KIAA0825: variants seen among roughly 807,000 people sequenced by gnomAD.
KIAA0825 encodes the protein KIAA0825.
In KIAA0825, 119 loss-of-function variants were observed where a neutral mutation model predicts 147.6. The observed-to-expected ratio is 0.81, with a 90% CI of 0.69 to 0.94. The LOEUF (loss-of-function observed/expected upper bound fraction) is 0.94, where lower values mean the gene tolerates loss of function less well. Ranked by LOEUF, KIAA0825 falls within the 40% of genes least tolerant of loss-of-function variation. The probability of loss-of-function intolerance (pLI) is 0.00; values close to 1 mark genes in which losing one functional copy is unlikely to be tolerated. For missense variants in KIAA0825, 1,381 were observed against 1,472.7 expected (o/e 0.94, Z 1.02); for synonymous variants, 470 against 518.1 (o/e 0.91, Z 1.26).
intron 20 of KIAA0825, among the ~76,000 whole-genome samples, chr5:94,355,082 T>C (rs1371517649): frequency 6.6e-6 from 1 of 152,180 alleles, no homozygotes; most frequent in Admixed American, 6.5e-5. Flanking sequence ...TGGTTGACAA[T>C]TGTTTGAGTT....
chr5:94,459,975 T>C (rs1379812643), intron 12 of KIAA0825, among the ~76,000 whole-genome samples: 1 of 152,126 alleles, frequency 6.6e-6, no homozygotes, highest in African/African-American at 2.4e-5. Context: ...TGCTCATTGT[T>C]GTATCCCTTT....
intron 20 of KIAA0825, among the ~76,000 whole-genome samples, chr5:94,158,849 C>T (rs1031233989): frequency 6.6e-6 from 1 of 152,112 alleles, no homozygotes; most frequent in East Asian, 1.9e-4. Context: ...AGAGATTAAA[C>T]ACACATAAAA....
intron 1 of KIAA0825, among the ~76,000 whole-genome samples, chr5:94,584,305 G>A (rs955149027): frequency 3.3e-5 from 5 of 152,150 alleles, no homozygotes; most frequent in Non-Finnish European, 7.4e-5. Context: ...AAGGTTAGAC[G>A]AATGGCTAAC....
intron 5 of KIAA0825, among the ~76,000 whole-genome samples, chr5:94,511,492 T>G (rs1392463622): frequency 3.3e-5 from 5 of 152,122 alleles, no homozygotes; most frequent in Non-Finnish European, 5.9e-5. Context: ...TGGTGGCACA[T>G]GCCTGTAATC....
At chr5:94,436,391 C>T (rs1191882836) in intron 14 of KIAA0825, among the ~76,000 whole-genome samples, 1 of 152,094 alleles carries the variant, frequency 6.6e-6, no homozygotes, top group African/African-American at 2.4e-5. Context: ...AATCCTTTCT[C>T]CATTGCTTTT....
chr5:94,290,582 T>C (rs890126433), intron 20 of KIAA0825, among the ~76,000 whole-genome samples: 2 of 152,206 alleles, frequency 1.3e-5, no homozygotes, highest in African/African-American at 4.8e-5. Context: ...TAAATAGTGC[T>C]GCAATAAACA....
At chr5:94,276,602 T>C (rs1777233754) in intron 20 of KIAA0825, among the ~76,000 whole-genome samples, 1 of 152,154 alleles carries the variant, frequency 6.6e-6, no homozygotes, top group African/African-American at 2.4e-5. Flanking sequence ...GAGACCGTTG[T>C]CAGCTTGATG....
At chr5:94,488,533 A>G (rs941640598) in intron 5 of KIAA0825, among the ~76,000 whole-genome samples, 7 of 152,112 alleles carry the variant, frequency 4.6e-5, no homozygotes, top group African/African-American at 1.7e-4. Context: ...GTAAATAATG[A>G]GGAGATAGTT....
chr5:94,472,237 G>A (rs1036606156), intron 8 of KIAA0825, among the ~76,000 whole-genome samples: 3 of 152,036 alleles, frequency 2.0e-5, no homozygotes, highest in Non-Finnish European at 2.9e-5. Flanking sequence ...TCTTCTTATT[G>A]GTAGGGTGTC....
At chr5:94,406,163 G>C (rs1752037130) in intron 15 of KIAA0825, among the ~76,000 whole-genome samples, 1 of 152,102 alleles carries the variant, frequency 6.6e-6, no homozygotes, top group Non-Finnish European at 1.5e-5. Flanking sequence ...CTGACCTTGT[G>C]ATCCACCCAC....
At chr5:94,595,670 T>C (rs1482524035) in intron 1 of KIAA0825, among the ~76,000 whole-genome samples, 1 of 152,238 alleles carries the variant, frequency 6.6e-6, no homozygotes, top group Non-Finnish European at 1.5e-5. Context: ...TTCTTTGCTA[T>C]TGCATCAGCA....
chr5:94,313,231 T>G (rs915477328), intron 20 of KIAA0825, among the ~76,000 whole-genome samples: 1 of 151,644 alleles, frequency 6.6e-6, no homozygotes, highest in Non-Finnish European at 1.5e-5. Flanking sequence ...AAGCAATATG[T>G]GAGCAAGAAA....
At chr5:94,363,697 CA>C (rs894890913) in intron 20 of KIAA0825, among the ~76,000 whole-genome samples, 24 of 151,750 alleles carry the variant, frequency 1.6e-4, no homozygotes, top group Non-Finnish European at 3.1e-4. Context: ...CCCATCTCTA[CA>C]AAAAAAATTT....
intron 20 of KIAA0825, among the ~76,000 whole-genome samples, chr5:94,290,795 G>A (rs1478654925): frequency 6.6e-6 from 1 of 152,186 alleles, no homozygotes. Context: ...TCCAGCATCT[G>A]TTGTTTCCTG....
chr5:94,393,525 A>C (rs1467363447), intron 17 of KIAA0825, among the ~76,000 whole-genome samples: 1 of 152,192 alleles, frequency 6.6e-6, no homozygotes, highest in Non-Finnish European at 1.5e-5. Flanking sequence ...CATAAAATCA[A>C]AGTTAAATCT....
intron 2 of KIAA0825, among the ~76,000 whole-genome samples, chr5:94,542,887 T>C (rs1316593009): frequency 6.6e-6 from 1 of 152,236 alleles, no homozygotes; most frequent in African/African-American, 2.4e-5. Flanking sequence ...TCTGGTATTT[T>C]ACCAAGGCTT....
intron 16 of KIAA0825, among the ~76,000 whole-genome samples, chr5:94,401,895 G>T (rs566164585): frequency 2.6e-4 from 39 of 152,228 alleles, no homozygotes; most frequent in African/African-American, 8.4e-4. Flanking sequence ...TGTCCAGCAT[G>T]TACACATTCT....
At chr5:94,556,436 A>C (rs900553279) in intron 2 of KIAA0825, among the ~76,000 whole-genome samples, 3 of 152,174 alleles carry the variant, frequency 2.0e-5, no homozygotes, top group African/African-American at 7.2e-5. Flanking sequence ...AATGATTTGA[A>C]CTTAGCATGC....
intron 20 of KIAA0825, among the ~76,000 whole-genome samples, chr5:94,338,864 T>C (rs768090066): frequency 6.6e-6 from 1 of 152,174 alleles, no homozygotes; most frequent in African/African-American, 2.4e-5. Context: ...ATTTATTACA[T>C]ACTGAACAAA....
Sources: allele counts gnomAD v4.1 joint callset (sites outside exome capture counted in the v4.1 genomes callset), GRCh38; gene constraint gnomAD v4.1.1; transcripts MANE v1.5; gene names NCBI Gene and HGNC (gene_info 2026-07-23, HGNC 2026-07-21).